Variants in DTWD2 observed in about 807,000 individuals in gnomAD.
The protein encoded by DTWD2 is tRNA-uridine aminocarboxypropyltransferase 2.
A neutral mutation model predicts 31.8 loss-of-function variants in DTWD2; 39 were observed. The observed-to-expected ratio is 1.22, with a 90% confidence interval of 0.95 to 1.60. The LOEUF is 1.60. Among genes scored for constraint, DTWD2 ranks in the 40% most tolerant of loss-of-function variants. The pLI, the probability that DTWD2 is intolerant of heterozygous loss-of-function variation, is 0.00. For synonymous variants in DTWD2, 180 were observed against 142.8 expected (o/e 1.26, Z -1.86); for missense variants, 515 against 381.5 (o/e 1.35, Z -2.92).
In DTWD2 at chr5:118,836,609, G is replaced by C. The variant is rs1303479376; in HGVS notation, c.*4308C>G. On this transcript the variant is annotated 3_prime_UTR_variant, in exon 6 of 6. Coordinates refer to ENST00000510708, the MANE Select transcript of DTWD2 (RefSeq NM_173666.4). ...ATATGCTTTTTAGTAGAGTACAGGA[G>C]TTGCTATGGTCTGAATATTTGTGTC... 6.6e-6 allele frequency among the ~76,000 whole-genome samples: 1 copy of C among 152,194 alleles called. No homozygotes were observed. The highest frequency in any genetic ancestry group is 1.5e-5 in the Non-Finnish European group (1 of 68,044).
At chr5:118,942,762 T>C (rs986383630) in intron 2 of DTWD2, among the ~76,000 whole-genome samples, 5 of 151,948 alleles carry the variant, frequency 3.3e-5, no homozygotes, top group Non-Finnish European at 7.4e-5. Flanking sequence ...CTGTGTATAC[T>C]GCAAAATGAA....
At chr5:118,953,342 G>A (rs1754508016) in intron 1 of DTWD2, among the ~76,000 whole-genome samples, 1 of 152,178 alleles carries the variant, frequency 6.6e-6, no homozygotes, top group African/African-American at 2.4e-5. Flanking sequence ...GTCTACATCT[G>A]AAGGTTGGCA....
intron 4 of DTWD2, among the ~76,000 whole-genome samples, chr5:118,898,325 C>T (rs1282385808): frequency 1.3e-5 from 2 of 151,958 alleles, no homozygotes; most frequent in East Asian, 1.9e-4. Context: ...AATTAATGTA[C>T]AACATTACAA....
intron 4 of DTWD2, among the ~76,000 whole-genome samples, chr5:118,892,343 G>T (rs1025930354): frequency 2.0e-5 from 3 of 151,996 alleles, no homozygotes; most frequent in South Asian, 2.1e-4. Flanking sequence ...CAAACACATT[G>T]ACAAAATTGG....
intron 1 of DTWD2, among the ~76,000 whole-genome samples, chr5:118,945,927 T>G (rs952369612): frequency 2.6e-5 from 4 of 152,202 alleles, no homozygotes; most frequent in African/African-American, 9.7e-5. Flanking sequence ...AAAGGGAATT[T>G]CCAATACCAT....
At chr5:118,860,734 T>C (rs972230351) in intron 4 of DTWD2, among the ~76,000 whole-genome samples, 6 of 152,304 alleles carry the variant, frequency 3.9e-5, no homozygotes, top group African/African-American at 1.2e-4. Flanking sequence ...AGTATAATTT[T>C]AATATGCAGT....
chr5:118,880,654 T>C (rs1436072338), intron 4 of DTWD2, among the ~76,000 whole-genome samples: 1 of 152,186 alleles, frequency 6.6e-6, no homozygotes, highest in East Asian at 1.9e-4. Flanking sequence ...TTCATTATTC[T>C]GAAAACAAAA....
At chr5:118,929,766 T>C (rs1228346771) in intron 3 of DTWD2, among the ~76,000 whole-genome samples, 1 of 152,206 alleles carries the variant, frequency 6.6e-6, no homozygotes, top group African/African-American at 2.4e-5. Context: ...AGCTGTTGCA[T>C]CTGTAGAGAA....
chr5:118,949,219 G>T (rs1299216548), intron 1 of DTWD2, among the ~76,000 whole-genome samples: 1 of 152,190 alleles, frequency 6.6e-6, no homozygotes, highest in African/African-American at 2.4e-5. Flanking sequence ...AGTAAATCAT[G>T]AGAAACGGCT....
At chr5:118,916,475 G>A (rs888411117) in intron 4 of DTWD2, among the ~76,000 whole-genome samples, 2 of 152,102 alleles carry the variant, frequency 1.3e-5, no homozygotes, top group East Asian at 3.9e-4. Flanking sequence ...AGACCAGCCT[G>A]ATCAACATGA....
intron 4 of DTWD2, among the ~76,000 whole-genome samples, chr5:118,848,736 T>A (rs1193651695): frequency 6.6e-6 from 1 of 152,146 alleles, no homozygotes; most frequent in African/African-American, 2.4e-5. Context: ...TCTACAACCA[T>A]CTGATCTTTG....
intron 4 of DTWD2, among the ~76,000 whole-genome samples, chr5:118,850,142 G>T (rs1013054466): frequency 6.6e-6 from 1 of 151,616 alleles, no homozygotes; most frequent in African/African-American, 2.4e-5. Flanking sequence ...AATGAAACTG[G>T]ATCTCTACAT....
chr5:118,843,741 A>G (rs1451765875), intron 5 of DTWD2, among the ~76,000 whole-genome samples: 2 of 152,234 alleles, frequency 1.3e-5, no homozygotes, highest in Non-Finnish European at 2.9e-5. Context: ...TTACTGAGGT[A>G]ATGAAGAGAA....
intron 1 of DTWD2, among the ~76,000 whole-genome samples, chr5:118,984,830 A>G (rs1755387925): frequency 1.3e-5 from 2 of 152,216 alleles, no homozygotes; most frequent in Non-Finnish European, 2.9e-5. Flanking sequence ...GTAACTACAG[A>G]AGATATAAAA....
At chr5:118,912,203 C>T (rs1181565761) in intron 4 of DTWD2, among the ~76,000 whole-genome samples, 1 of 152,204 alleles carries the variant, frequency 6.6e-6, no homozygotes, top group Non-Finnish European at 1.5e-5. Context: ...AGATCTGTCT[C>T]TGAACTAATC....
At chr5:118,973,826 G>A (rs1023733064) in intron 1 of DTWD2, 32 of 1,612,254 alleles carry the variant, frequency 2.0e-5, no homozygotes, top group African/African-American at 1.2e-4. Flanking sequence ...CACCAGCTCC[G>A]AAATCACCAC....
chr5:118,854,553 T>A (rs953283506), intron 4 of DTWD2, among the ~76,000 whole-genome samples: 4 of 152,122 alleles, frequency 2.6e-5, no homozygotes, highest in African/African-American at 9.7e-5. Flanking sequence ...TGTAATTTTT[T>A]AAATTATATA....
chr5:118,970,474 GA>G (rs1754959449), intron 1 of DTWD2, among the ~76,000 whole-genome samples: 1 of 152,110 alleles, frequency 6.6e-6, no homozygotes, highest in Non-Finnish European at 1.5e-5. Context: ...AAAACTCTGA[GA>G]AATACAGTAT....
intron 3 of DTWD2, among the ~76,000 whole-genome samples, chr5:118,936,624 G>GC (rs1201562199): frequency 1.3e-5 from 2 of 151,986 alleles, no homozygotes; most frequent in African/African-American, 4.8e-5. Context: ...AGTCAACATA[G>GC]CAAGACCCCA....
Sources: gnomAD v4.1 joint callset for allele counts (sites outside exome capture counted in the v4.1 genomes callset) on GRCh38, gnomAD v4.1.1 for gene constraint, MANE v1.5 for transcripts, NCBI Gene and HGNC (gene_info 2026-07-23, HGNC 2026-07-21) for gene names.